The following ADSS1 variants were observed in gnomAD, a reference collection of about 807,000 sequenced individuals.
The protein encoded by ADSS1 is adenylosuccinate synthase 1, also known as adenylosuccinate synthetase isozyme 1.
ADSS1 carries 57 observed loss-of-function variants against 59.1 expected under a neutral mutation model. The observed-to-expected ratio is 0.97, with a 90% CI of 0.78 to 1.20. ADSS1 has a LOEUF of 1.20. ADSS1 is among the 50% of genes most tolerant of loss of function. The pLI, the probability that ADSS1 is intolerant of heterozygous loss-of-function variation, is 0.00. For synonymous variants in ADSS1, 247 were observed against 249.4 expected, an observed-to-expected ratio of 0.99 and a Z score of 0.09; for missense variants, 603 against 610.3, an observed-to-expected ratio of 0.99 and a Z score of 0.13.
chr14:104,744,933 C>T (rs1385843223), intron 11 of ADSS1, 24 bp downstream of exon 11: 1 of 1,607,860 alleles, frequency 6.2e-7, no homozygotes, highest in Non-Finnish European at 8.5e-7. Context: ...GGCAACCGTT[C>T]TGCCTGTTGG....
intron 1 of ADSS1, among the ~76,000 whole-genome samples, chr14:104,732,792 A>G (rs1890977709): frequency 6.6e-6 from 1 of 151,966 alleles, no homozygotes; most frequent in East Asian, 1.9e-4. Flanking sequence ...CAGAGACCTC[A>G]CCCCTGACTG....
chr14:104,741,324 A>T, intron 8 of ADSS1, 81 bp downstream of exon 8: 5 of 1,490,892 alleles, frequency 3.4e-6, no homozygotes, highest in Non-Finnish European at 4.5e-6. Flanking sequence ...GTGGGAACCG[A>T]TGGGGGAGGG....
chr14:104,728,756 C>G (rs1890793231), intron 1 of ADSS1, among the ~76,000 whole-genome samples: 1 of 152,220 alleles, frequency 6.6e-6, no homozygotes, highest in South Asian at 2.1e-4. Context: ...CCTTCACTGC[C>G]TGGCGTGAGC....
chr14:104,733,001 A>AGGGCTGACTCAGCGTCTGCTGAGCAGCAC (rs1890986901), intron 1 of ADSS1, among the ~76,000 whole-genome samples: 1 of 152,090 alleles, frequency 6.6e-6, no homozygotes, highest in South Asian at 2.1e-4. Context: ...CTGTGCGCCC[A>AGGGCTGACTCAGCGTCTGCTGAGCAGCAC]GGGCTGACTC....
chr14:104,724,461 AG>A lies in ADSS1; in HGVS notation c.192+1del. The A allele has an allele frequency of 8.0e-7, 1 of 1,247,362 alleles. No individual in the cohort carries two copies. Among genetic ancestry groups the A allele is most frequent in the Admixed American group, 4.1e-5 (1 of 24,502 alleles). The allele number at this position is 1,247,362 out of a possible 1,614,324, so 77.3% of individuals were successfully genotyped here. On this transcript the variant is annotated frameshift_variant and splice_region_variant, in exon 1 of 13. Transcript: ENST00000330877. LOFTEE classifies it high-confidence loss of function. ...ATDADIISRC[Q>X]GGNNAGHTVV... ...GACGCCGACATCATCAGCCGCTGCC[AG>A]GTGCGGGCTGGGGCGCCGGGTCCCT...
intron 2 of ADSS1, 30 bp from the exon 3 acceptor site, chr14:104,738,346 C>G: frequency 3.7e-6 from 6 of 1,612,344 alleles, no homozygotes; most frequent in Non-Finnish European, 5.1e-6. Flanking sequence ...GGACACAACT[C>G]TGTCTCTCAT....
At chr14:104,732,979 G>C (rs983194481) in intron 1 of ADSS1, among the ~76,000 whole-genome samples, 1 of 152,154 alleles carries the variant, frequency 6.6e-6, no homozygotes, top group Non-Finnish European at 1.5e-5. Context: ...GCCCCGTCCC[G>C]ATGGACTGAA....
rs376223981 is a variant in ADSS1, at chr14:104,742,003, G to A, written c.948+1G>A. ...GGCCTTCCCCACCGAGCAGATCAACGTGAGTCCCCAGCCCCTCGGGACCCC... is the reference window on the plus strand; with the variant it reads ...GGCCTTCCCCACCGAGCAGATCAACATGAGTCCCCAGCCCCTCGGGACCCC... On this transcript the variant is annotated splice_donor_variant, in intron 9 of 12. Transcript: ENST00000330877. LOFTEE classifies it high-confidence loss of function. 3.8e-5 allele frequency: 62 copies of A among 1,612,570 alleles called. No individual in the cohort carries two copies. Among genetic ancestry groups the A allele is most frequent in the Non-Finnish European group, 4.8e-5 (57 of 1,179,838 alleles).
chr14:104,739,508 C>A, intron 4 of ADSS1, 130 bp downstream of exon 4: 2 of 1,107,654 alleles, frequency 1.8e-6, no homozygotes, highest in South Asian at 1.4e-5. Context: ...GCTCCATTAG[C>A]TTGTACATTA....
intron 1 of ADSS1, among the ~76,000 whole-genome samples, chr14:104,728,546 G>C (rs1212774465): frequency 6.6e-6 from 1 of 152,196 alleles, no homozygotes; most frequent in African/African-American, 2.4e-5. Context: ...AGGGAGTGAA[G>C]CAGTGTAAGT....
chr14:104,732,855 A>G (rs559344588), intron 1 of ADSS1, among the ~76,000 whole-genome samples: 1 of 152,322 alleles, frequency 6.6e-6, no homozygotes, highest in Admixed American at 6.5e-5. Context: ...CCATGACCCC[A>G]GCGGAGAGGA....
At chr14:104,744,750 G>T in intron 10 of ADSS1, 62 bp from the exon 11 acceptor site, 1 of 1,531,638 alleles carries the variant, frequency 6.5e-7, no homozygotes, top group Non-Finnish European at 9.0e-7. Flanking sequence ...AAAAGCAAGC[G>T]GAAGAAACCC....
At chr14:104,727,881 G>A (rs1215306296) in intron 1 of ADSS1, among the ~76,000 whole-genome samples, 1 of 152,224 alleles carries the variant, frequency 6.6e-6, no homozygotes, top group Non-Finnish European at 1.5e-5. Flanking sequence ...CTGCTGCAGT[G>A]CTGACCTCAG....
In ADSS1 at chr14:104,724,242, G is replaced by T. The variant is rs535599676; in HGVS notation, c.-29G>T. On this transcript the variant is annotated 5_prime_UTR_variant, in exon 1 of 13. Transcript: ENST00000330877. ...GCCGGCGGCGGCGGGCTCCTGGCCG[G>T]GCCAGCGCAGCGGAAGAGCCAAGCC... 562 of 1,223,522 alleles carry T rather than the reference G, an allele frequency of 4.6e-4. 3 individuals carry two copies. In the African/African-American group the frequency reaches 7.7e-3, roughly 17 times the overall value. 75.8% of individuals were successfully genotyped at this position (1,223,522 alleles called of 1,614,324 possible).
intron 1 of ADSS1, among the ~76,000 whole-genome samples, chr14:104,725,890 G>A (rs975717394): frequency 6.6e-6 from 1 of 152,230 alleles, no homozygotes; most frequent in Non-Finnish European, 1.5e-5. Context: ...AGGGCGGGCT[G>A]GGGCCCCCAC....
intron 10 of ADSS1, among the ~76,000 whole-genome samples, chr14:104,744,148 C>T (rs1891472554): frequency 6.6e-6 from 1 of 152,034 alleles, no homozygotes; most frequent in South Asian, 2.1e-4. Context: ...GGACACAGGG[C>T]AGTGCTGGGC....
intron 11 of ADSS1, 150 bp from the exon 12 acceptor site, chr14:104,746,086 A>G (rs1031957374): frequency 2.0e-6 from 2 of 989,736 alleles, no homozygotes; most frequent in African/African-American, 1.6e-5. Context: ...GAGAAAATCA[A>G]ACTGGGCCAC....
At position 104,724,427 on chromosome 14, in the gene ADSS1, C is replaced by T. The variant is rs563375481; in HGVS notation, c.157C>T (p.Leu53=). 3.5e-5 allele frequency: 44 copies of T among 1,262,252 alleles called. No individual in the cohort carries two copies. The Admixed American group carries it at 5.0e-4, about 14-fold the overall frequency. 78.2% of individuals were successfully genotyped at this position (1,262,252 alleles called of 1,614,324 possible). Residue 53 remains leucine (L), a synonymous_variant, in exon 1 of 13, where the codon CTG becomes TTG. Coordinates refer to ENST00000330877, the MANE Select transcript of ADSS1 (RefSeq NM_152328.5). Reference sequence around the variant, plus strand: ...GGGCAAAGGCAAGGTGGTGGACCTGCTGGCCACGGACGCCGACATCATCAG... The same window carrying T: ...GGGCAAAGGCAAGGTGGTGGACCTGTTGGCCACGGACGCCGACATCATCAG... The part of the protein sequence containing the change: ...DEGKGKVVDL[L]ATDADIISRC...
chr14:104,746,054 C>T (rs753399837), intron 11 of ADSS1, 182 bp from the exon 12 acceptor site: 21 of 677,636 alleles, frequency 3.1e-5, no homozygotes, highest in Non-Finnish European at 4.4e-5. Context: ...CCACTGCTGT[C>T]CCCTGCTTAC....
Sources: gnomAD v4.1 joint callset for allele counts (sites outside exome capture counted in the v4.1 genomes callset) on GRCh38, gnomAD v4.1.1 for gene constraint, MANE v1.5 for transcripts, NCBI Gene and HGNC (gene_info 2026-07-23, HGNC 2026-07-21) for gene names.